Variants in EFCAB5 observed in about 807,000 individuals in gnomAD.
The protein encoded by EFCAB5 is EF-hand calcium-binding domain-containing protein 5.
EFCAB5 carries 131 observed loss-of-function variants against 167.9 expected under a neutral mutation model. The ratio of observed to expected loss-of-function variants is 0.78; its 90% confidence interval spans 0.68 to 0.90. The LOEUF (loss-of-function observed/expected upper bound fraction) is 0.90. Ranked by LOEUF, EFCAB5 falls within the 40% of genes least tolerant of loss-of-function variation. The pLI, the probability that EFCAB5 is intolerant of heterozygous loss-of-function variation, is 0.00. For synonymous variants in EFCAB5, 574 were observed against 602.8 expected, an observed-to-expected ratio of 0.95 and a Z score of 0.70; for missense variants, 1,663 against 1,745.2, an observed-to-expected ratio of 0.95 and a Z score of 0.84.
At chr17:29,965,521 G>A (rs1429532334) in intron 3 of EFCAB5, among the ~76,000 whole-genome samples, 1 of 152,062 alleles carries the variant, frequency 6.6e-6, no homozygotes, top group Non-Finnish European at 1.5e-5. Flanking sequence ...GTTATATTGG[G>A]TAGACTATTG....
At chr17:29,978,787 A>C (rs2068111370) in intron 4 of EFCAB5, among the ~76,000 whole-genome samples, 1 of 152,234 alleles carries the variant, frequency 6.6e-6, no homozygotes, top group Admixed American at 6.5e-5. Context: ...ATTCATTTAA[A>C]AGTATCCAGT....
chr17:30,069,275 A>G, intron 14 of EFCAB5: 1 of 1,499,746 alleles, frequency 6.7e-7, no homozygotes, highest in African/African-American at 1.4e-5. Context: ...TGAATTGGGA[A>G]CATGGGGAGA....
At chr17:29,950,096 T>C (rs930631855) in intron 3 of EFCAB5, among the ~76,000 whole-genome samples, 2 of 152,192 alleles carry the variant, frequency 1.3e-5, no homozygotes, top group Non-Finnish European at 2.9e-5. Flanking sequence ...GGTCCACTTA[T>C]ACACAGATTT....
At chr17:29,951,337 T>C (rs1214013428) in intron 3 of EFCAB5, among the ~76,000 whole-genome samples, 1 of 152,056 alleles carries the variant, frequency 6.6e-6, no homozygotes, top group Non-Finnish European at 1.5e-5. Context: ...TTTTGTTTTG[T>C]TTTGTTTGGT....
intron 3 of EFCAB5, among the ~76,000 whole-genome samples, chr17:29,959,508 C>T (rs758564026): frequency 1.3e-5 from 2 of 151,744 alleles, no homozygotes; most frequent in African/African-American, 2.4e-5. Context: ...GCCTGGCTAC[C>T]ACTGATGTTT....
intron 1 of EFCAB5, among the ~76,000 whole-genome samples, chr17:29,932,642 A>G (rs1041952281): frequency 6.7e-6 from 1 of 150,272 alleles, no homozygotes; most frequent in Non-Finnish European, 1.5e-5. Context: ...TTTTTAGTAG[A>G]TATGGGGGTT....
rs1313795616 is a variant in EFCAB5, at chr17:29,968,867, T to G, written c.267T>G (p.Ile89Met). The change falls in exon 4 of 23, where the codon ATT (isoleucine) becomes ATG (methionine). Residue 89 changes from isoleucine (I) to methionine (M), a missense_variant. Coordinates refer to ENST00000394835, the MANE Select transcript of EFCAB5 (RefSeq NM_198529.4). ...KDSKTEASGN[I>M]AIRKSAKVIF... ...CTAAAACTGAAGCCTCAGGTAATAT[T>G]GCAATTAGAAAATCTGCAAAAGTGA... The G allele has an allele frequency of 1.3e-6, 2 of 1,560,478 alleles. No homozygotes were observed. Among genetic ancestry groups the G allele is most frequent in the Non-Finnish European group, 1.7e-6 (2 of 1,151,750 alleles).
chr17:30,061,416 G>T (rs2070422334), intron 14 of EFCAB5, among the ~76,000 whole-genome samples: 1 of 152,050 alleles, frequency 6.6e-6, no homozygotes, highest in Admixed American at 6.6e-5. Flanking sequence ...TGCTTGTTTT[G>T]GTCTACTCCT....
At chr17:30,090,274 T>C in intron 19 of EFCAB5, 147 bp from the exon 20 acceptor site, 1 of 1,028,566 alleles carries the variant, frequency 9.7e-7, no homozygotes, top group Non-Finnish European at 1.4e-6. Context: ...AATCAAGGGC[T>C]AGAATGCTCC....
At chr17:29,964,622 T>C (rs1251320399) in intron 3 of EFCAB5, among the ~76,000 whole-genome samples, 2 of 152,186 alleles carry the variant, frequency 1.3e-5, no homozygotes, top group Non-Finnish European at 2.9e-5. Context: ...TGTTTTTTAA[T>C]CTCTGTAAGG....
chr17:30,052,422 T>C (rs2070128891), intron 9 of EFCAB5, among the ~76,000 whole-genome samples: 1 of 152,180 alleles, frequency 6.6e-6, no homozygotes, highest in South Asian at 2.1e-4. Context: ...TGCCTTGGCT[T>C]CCCAAAGTGC....
intron 8 of EFCAB5, among the ~76,000 whole-genome samples, chr17:30,036,965 A>T (rs1167086465): frequency 1.3e-5 from 2 of 152,160 alleles, no homozygotes; most frequent in Admixed American, 6.5e-5. Context: ...CAGAGTTAGC[A>T]CCTGATCTCC....
At chr17:30,091,822 A>G in intron 20 of EFCAB5, 49 bp from the exon 21 acceptor site, 1 of 1,575,046 alleles carries the variant, frequency 6.3e-7, no homozygotes, top group Non-Finnish European at 8.7e-7. Context: ...ATGTACAGCA[A>G]TGTACATTAG....
chr17:30,007,257 A>G (rs1349795748), intron 7 of EFCAB5, among the ~76,000 whole-genome samples: 3 of 152,182 alleles, frequency 2.0e-5, no homozygotes, highest in African/African-American at 7.2e-5. Context: ...AGAAAACCCT[A>G]GTTCCATGTG....
At chr17:30,078,684 G>T (rs2070920609) in intron 15 of EFCAB5, among the ~76,000 whole-genome samples, 180 bp downstream of exon 15, 1 of 152,184 alleles carries the variant, frequency 6.6e-6, no homozygotes, top group South Asian at 2.1e-4. Flanking sequence ...CAACTGGAGT[G>T]ACTGCTGGTT....
intron 7 of EFCAB5, among the ~76,000 whole-genome samples, chr17:30,013,396 C>T (rs1334399982): frequency 2.0e-5 from 3 of 151,880 alleles, no homozygotes; most frequent in African/African-American, 7.2e-5. Context: ...CCTCTTTGTA[C>T]CTCTGGTAGA....
intron 7 of EFCAB5, among the ~76,000 whole-genome samples, chr17:30,010,637 C>T (rs1225900071): frequency 6.6e-6 from 1 of 152,184 alleles, no homozygotes; most frequent in East Asian, 1.9e-4. Context: ...CCTTTGCCCA[C>T]TTTTTGATGC....
intron 18 of EFCAB5, among the ~76,000 whole-genome samples, chr17:30,085,792 C>T (rs527617211): frequency 6.6e-6 from 1 of 151,832 alleles, no homozygotes; most frequent in Admixed American, 6.6e-5. Flanking sequence ...CGTCAATGTG[C>T]GATAATCTTA....
At chr17:30,096,143 T>C (rs1442348440) in intron 22 of EFCAB5, among the ~76,000 whole-genome samples, 1 of 152,184 alleles carries the variant, frequency 6.6e-6, no homozygotes, top group African/African-American at 2.4e-5. Flanking sequence ...GGTAAAGATC[T>C]CAGGCCTGGA....
Sources: allele counts gnomAD v4.1 joint callset (sites outside exome capture counted in the v4.1 genomes callset), GRCh38; gene constraint gnomAD v4.1.1; transcripts MANE v1.5; gene names NCBI Gene and HGNC (gene_info 2026-07-23, HGNC 2026-07-21).